The following MYO1E variants were observed in gnomAD, a reference collection of about 807,000 sequenced individuals.
The protein encoded by MYO1E is unconventional myosin-Ie.
In MYO1E, 68 loss-of-function variants were observed where a neutral mutation model predicts 151.1. The ratio of observed to expected loss-of-function variants is 0.45; its 90% CI spans 0.37 to 0.55. The LOEUF is 0.55. MYO1E is among the 20% of genes least tolerant of loss of function. MYO1E has a pLI of 0.00. For synonymous variants in MYO1E, 601 were observed against 501.7 expected (o/e 1.20, Z -2.64); for missense variants, 1,363 against 1,389.3 (o/e 0.98, Z 0.30).
At chr15:59,252,951 C>T (rs1436011297) in intron 4 of MYO1E, among the ~76,000 whole-genome samples, 4 of 151,978 alleles carry the variant, frequency 2.6e-5, no homozygotes, top group African/African-American at 7.2e-5. Flanking sequence ...GTGGATTCTA[C>T]GCAGGAAATA....
chr15:59,171,141 C>CTT (rs769511063), intron 22 of MYO1E: 12 of 155,924 alleles, frequency 7.7e-5, no homozygotes, highest in Non-Finnish European at 1.5e-4. Context: ...TCTAGGAGTT[C>CTT]TTACCATGGG....
At chr15:59,149,388 C>A (rs201758335) in intron 26 of MYO1E, among the ~76,000 whole-genome samples, 5,826 of 152,216 alleles carry the variant, frequency 0.038, 232 homozygotes, top group African/African-American at 0.099. Context: ...CTTGCCTAAC[C>A]TCTTCCCTTT....
chr15:59,240,467 A>G (rs533016973), intron 4 of MYO1E, among the ~76,000 whole-genome samples: 2 of 152,374 alleles, frequency 1.3e-5, no homozygotes, highest in African/African-American at 2.4e-5. Flanking sequence ...CTGGGGAAAA[A>G]AAGCCATTTA....
intron 14 of MYO1E, chr15:59,207,811 A>G (rs1215166148): frequency 6.2e-7 from 1 of 1,614,238 alleles, no homozygotes; most frequent in South Asian, 1.1e-5. Context: ...CTATGAGATT[A>G]TTAAAATGAA....
chr15:59,201,512 C>A (rs543140314), intron 16 of MYO1E, among the ~76,000 whole-genome samples: 252 of 150,274 alleles, frequency 1.7e-3, no homozygotes, highest in African/African-American at 6.0e-3. Context: ...TCAAGTGATT[C>A]TCCTGCCTCA....
At chr15:59,322,783 T>C (rs2080635364) in intron 1 of MYO1E, among the ~76,000 whole-genome samples, 1 of 152,208 alleles carries the variant, frequency 6.6e-6, no homozygotes, top group Non-Finnish European at 1.5e-5. Flanking sequence ...CCATTTAACA[T>C]ATCTTAAACC....
At chr15:59,223,779 T>G (rs1388433009) in intron 8 of MYO1E, among the ~76,000 whole-genome samples, 1 of 152,142 alleles carries the variant, frequency 6.6e-6, no homozygotes, top group Non-Finnish European at 1.5e-5. Flanking sequence ...TTAAATGCAA[T>G]AAATACCGCT....
chr15:59,155,106 G>C (rs372837323), intron 25 of MYO1E, among the ~76,000 whole-genome samples: 4 of 152,284 alleles, frequency 2.6e-5, no homozygotes, highest in East Asian at 3.9e-4. Context: ...CCAACAAAAG[G>C]AGAGGGGCAT....
At chr15:59,279,514 C>A (rs1397761330) in intron 1 of MYO1E, among the ~76,000 whole-genome samples, 1 of 152,198 alleles carries the variant, frequency 6.6e-6, no homozygotes, top group Non-Finnish European at 1.5e-5. Context: ...CCAGCCAAGA[C>A]CCTGTGCCAC....
At chr15:59,331,803 A>G (rs2080699761) in intron 1 of MYO1E, among the ~76,000 whole-genome samples, 1 of 152,224 alleles carries the variant, frequency 6.6e-6, no homozygotes, top group African/African-American at 2.4e-5. Context: ...TAATGTTTCA[A>G]TCAAATTTTC....
At chr15:59,186,120 A>G (rs1230872439) in intron 18 of MYO1E, among the ~76,000 whole-genome samples, 2 of 152,186 alleles carry the variant, frequency 1.3e-5, no homozygotes, top group Non-Finnish European at 2.9e-5. Flanking sequence ...TGCTTACACT[A>G]TAGGCGTACT....
intron 21 of MYO1E, among the ~76,000 whole-genome samples, chr15:59,172,766 A>C (rs1195042777): frequency 2.0e-5 from 3 of 152,224 alleles, no homozygotes; most frequent in Non-Finnish European, 4.4e-5. Context: ...ATATATTGTC[A>C]TTTGAATGAT....
chr15:59,238,731 C>T (rs1017850277), intron 4 of MYO1E, among the ~76,000 whole-genome samples: 1 of 151,926 alleles, frequency 6.6e-6, no homozygotes, highest in African/African-American at 2.4e-5. Flanking sequence ...ACCACCATGC[C>T]TAGCTAATTT....
At chr15:59,165,928 G>C (rs2079560783) in intron 22 of MYO1E, among the ~76,000 whole-genome samples, 1 of 152,222 alleles carries the variant, frequency 6.6e-6, no homozygotes. Flanking sequence ...GGTCATGCCT[G>C]GTGGCCTGGC....
At position 59,243,115 on chromosome 15, in the gene MYO1E, T is replaced by TC. The variant is rs1555413925; in HGVS notation, c.333-6444dup. On this transcript the variant is annotated intron_variant, in intron 4 of 27. Transcript: ENST00000288235. ...TAGACCCTGCTTTTTTTTTTTTTTTTCAAATATAGAGAGATATAGTATTGA... is the reference window on the plus strand; with the variant it reads ...TAGACCCTGCTTTTTTTTTTTTTTTTCCAAATATAGAGAGATATAGTATTGA... 1.3e-3 allele frequency among the ~76,000 whole-genome samples: 195 copies of TC among 151,120 alleles called. 1 individual carries two copies. The highest frequency in any genetic ancestry group is 4.7e-3 in the African/African-American group (193 of 41,174).
At chr15:59,253,130 C>T (rs74931727) in intron 4 of MYO1E, among the ~76,000 whole-genome samples, 1,577 of 152,292 alleles carry the variant, frequency 0.01, 33 homozygotes, top group African/African-American at 0.036. Context: ...TAAAAGTCCA[C>T]TAGTTTGAGT....
intron 1 of MYO1E, among the ~76,000 whole-genome samples, chr15:59,297,937 A>G (rs1485613631): frequency 1.3e-5 from 2 of 152,106 alleles, no homozygotes; most frequent in East Asian, 3.9e-4. Flanking sequence ...ATTTCCCTCC[A>G]TTTGAGTTTG....
rs1212594925 is a variant in MYO1E, at chr15:59,166,800, A to G, written c.2481-3497T>C. Among the ~76,000 whole-genome samples, 3 of 152,310 alleles carry G rather than the reference A, an allele frequency of 2.0e-5. No homozygotes were observed. In the East Asian group the frequency reaches 5.8e-4, roughly 29 times the overall value. ...GACGCAGATGCAGGCCTCAGCAGTG[A>G]CGTGTCCAGCTCAAAGAAGCTTCAC... On this transcript the variant is annotated intron_variant, in intron 22 of 27. Coordinates refer to ENST00000288235, the MANE Select transcript of MYO1E (RefSeq NM_004998.4).
chr15:59,175,477 C>T (rs555317004), intron 19 of MYO1E, among the ~76,000 whole-genome samples: 43 of 152,276 alleles, frequency 2.8e-4, no homozygotes, highest in Non-Finnish European at 5.0e-4. Context: ...AACTTCTCTC[C>T]TCACAGATCC....
Sources: gnomAD v4.1 joint callset for allele counts (sites outside exome capture counted in the v4.1 genomes callset) on GRCh38, gnomAD v4.1.1 for gene constraint, MANE v1.5 for transcripts, NCBI Gene and HGNC (gene_info 2026-07-23, HGNC 2026-07-21) for gene names.